Variants in PDE8B observed in about 807,000 individuals in gnomAD.
PDE8B encodes phosphodiesterase 8B, also known as high affinity cAMP-specific and IBMX-insensitive 3',5'-cyclic phosphodiesterase 8B.
A neutral mutation model predicts 101.3 loss-of-function variants in PDE8B; 26 were observed. The ratio of observed to expected loss-of-function variants is 0.26; its 90% confidence interval spans 0.19 to 0.36. The LOEUF (loss-of-function observed/expected upper bound fraction) is 0.36, where lower values mean the gene tolerates loss of function less well. PDE8B is among the 10% of genes least tolerant of loss of function. The probability of loss-of-function intolerance (pLI) is 1.00; values close to 1 mark genes in which losing one functional copy is unlikely to be tolerated. For synonymous variants in PDE8B, 424 were observed against 429.3 expected (o/e 0.99, Z 0.15); for missense variants, 810 against 1,163.1 (o/e 0.70, Z 4.42).
chr5:77,180,442 G>T, the PDE8B span: 1 of 985,356 alleles, frequency 1.0e-6, no homozygotes, highest in Non-Finnish European at 1.2e-6. Context: ...GGAGCCGCCC[G>T]CCGCCGGCAT....
At chr5:77,226,872 G>C (rs1251824113) in intron 1 of PDE8B, among the ~76,000 whole-genome samples, 1 of 152,188 alleles carries the variant, frequency 6.6e-6, no homozygotes, top group Non-Finnish European at 1.5e-5. Flanking sequence ...GAGGAGGTTT[G>C]TCTTGCATCT....
intron 12 of PDE8B, among the ~76,000 whole-genome samples, chr5:77,406,300 A>T (rs982502511): frequency 5.9e-5 from 9 of 152,156 alleles, no homozygotes; most frequent in African/African-American, 1.7e-4. Flanking sequence ...AAAATAAAAA[A>T]AATTTAAAAA....
the PDE8B span, among the ~76,000 whole-genome samples, chr5:77,094,879 G>T: frequency 9.2e-5 from 14 of 152,198 alleles, no homozygotes; most frequent in African/African-American, 3.4e-4. Context: ...CCCAGGTAGG[G>T]CTTTAATCTA....
rs1307498145 is a variant in PDE8B at position 77,226,960 on chromosome 5, A to G, written c.339+15696A>G. Among the ~76,000 whole-genome samples the G allele has an allele frequency of 2.0e-5, 3 of 152,112 alleles. No individual in the cohort carries two copies. In the East Asian group the frequency reaches 5.8e-4, roughly 29 times the overall value. On this transcript the variant is annotated intron_variant, in intron 1 of 21. Coordinates refer to ENST00000264917, the MANE Select transcript of PDE8B (RefSeq NM_003719.5). ...GAATAGTGGCTGCCTTTTCATCTTC[A>G]CTTCTGCCTTTCCACTTACATTAAA... is the stretch of plus-strand genomic sequence containing the variant.
intron 1 of PDE8B, among the ~76,000 whole-genome samples, chr5:77,224,771 C>T (rs1164217835): frequency 6.6e-6 from 1 of 152,060 alleles, no homozygotes; most frequent in Admixed American, 6.5e-5. Context: ...CTGTGAGTTC[C>T]CTTTCCTCTC....
At chr5:77,405,730 G>A (rs1228239608) in intron 12 of PDE8B, among the ~76,000 whole-genome samples, 1 of 152,190 alleles carries the variant, frequency 6.6e-6, no homozygotes, top group African/African-American at 2.4e-5. Flanking sequence ...AAGAACAAGA[G>A]GGGATTGAGA....
At chr5:77,351,905 C>A (rs1305415453) in intron 9 of PDE8B, among the ~76,000 whole-genome samples, 1 of 152,134 alleles carries the variant, frequency 6.6e-6, no homozygotes, top group African/African-American at 2.4e-5. Flanking sequence ...AGGAGCCCCA[C>A]CTGTGACTCT....
At chr5:77,193,991 G>A in the PDE8B span, among the ~76,000 whole-genome samples, 3 of 152,114 alleles carry the variant, frequency 2.0e-5, no homozygotes, top group African/African-American at 7.2e-5. Context: ...CTTGTATCCT[G>A]TGATTTTATT....
At chr5:77,185,841 C>T in the PDE8B span, among the ~76,000 whole-genome samples, 1 of 152,172 alleles carries the variant, frequency 6.6e-6, no homozygotes. Flanking sequence ...ATGGCATTGA[C>T]TGTAATGTGA....
intron 10 of PDE8B, among the ~76,000 whole-genome samples, chr5:77,380,343 AG>A (rs770988476): frequency 3.3e-5 from 5 of 152,234 alleles, no homozygotes; most frequent in Admixed American, 6.5e-5. Context: ...CAACAAGAAA[AG>A]TAACAGACTC....
At chr5:77,362,921 C>A (rs1184323511) in intron 10 of PDE8B, among the ~76,000 whole-genome samples, 2 of 152,174 alleles carry the variant, frequency 1.3e-5, no homozygotes, top group South Asian at 2.1e-4. Flanking sequence ...TGGCACTGAC[C>A]ACACTATCAC....
chr5:77,392,731 C>T (rs1159190023), intron 10 of PDE8B, among the ~76,000 whole-genome samples: 1 of 152,124 alleles, frequency 6.6e-6, no homozygotes, highest in Non-Finnish European at 1.5e-5. Flanking sequence ...CTATGATGGT[C>T]TCTTAGCCTG....
At chr5:77,363,025 T>G (rs1406635710) in intron 10 of PDE8B, among the ~76,000 whole-genome samples, 1 of 152,238 alleles carries the variant, frequency 6.6e-6, no homozygotes, top group Admixed American at 6.5e-5. Context: ...TTAGTAAAGA[T>G]TTGATCAGTG....
intron 10 of PDE8B, chr5:77,358,528 A>C: frequency 2.9e-6 from 2 of 694,894 alleles, no homozygotes; most frequent in Non-Finnish European, 3.5e-6. Context: ...CCCCATAGAC[A>C]TCAGGAAATT....
chr5:77,285,599 TGTC>T (rs1192990496), intron 1 of PDE8B, among the ~76,000 whole-genome samples: 9 of 152,228 alleles, frequency 5.9e-5, no homozygotes, highest in African/African-American at 2.2e-4. Context: ...TTTTCCTGTC[TGTC>T]ATTTGTTGAC....
At chr5:77,346,145 T>C (rs1400756113) in intron 7 of PDE8B, among the ~76,000 whole-genome samples, 1 of 152,232 alleles carries the variant, frequency 6.6e-6, no homozygotes, top group African/African-American at 2.4e-5. Flanking sequence ...AAAGCCTTCC[T>C]ACCTGGTTTC....
intron 1 of PDE8B, among the ~76,000 whole-genome samples, chr5:77,270,860 G>C (rs182617028): frequency 6.6e-6 from 1 of 152,290 alleles, no homozygotes; most frequent in Admixed American, 6.5e-5. Flanking sequence ...CTTACCAGCC[G>C]GGTGGGAGTT....
intron 5 of PDE8B, among the ~76,000 whole-genome samples, chr5:77,335,519 A>G (rs1777976187): frequency 6.9e-6 from 1 of 145,216 alleles, no homozygotes; most frequent in African/African-American, 2.6e-5. Context: ...CAACCACTCC[A>G]GTGTATATGT....
At chr5:77,154,429 G>T in the PDE8B span, among the ~76,000 whole-genome samples, 1 of 152,344 alleles carries the variant, frequency 6.6e-6, no homozygotes, top group East Asian at 1.9e-4. Context: ...TTTGTTGCAT[G>T]AATGAATGGC....
Sources: gnomAD v4.1 joint callset for allele counts (sites outside exome capture counted in the v4.1 genomes callset) on GRCh38, gnomAD v4.1.1 for gene constraint, MANE v1.5 for transcripts, NCBI Gene and HGNC (gene_info 2026-07-23, HGNC 2026-07-21) for gene names.